Variants in CADPS2 observed in about 807,000 individuals in gnomAD.
The protein encoded by CADPS2 is calcium-dependent secretion activator 2.
A neutral mutation model predicts 172.5 loss-of-function variants in CADPS2; 93 were observed. The observed-to-expected ratio is 0.54, with a 90% CI of 0.46 to 0.64. CADPS2 has a LOEUF of 0.64. Ranked by LOEUF, CADPS2 falls within the 30% of genes least tolerant of loss-of-function variation. The probability of loss-of-function intolerance (pLI) is 0.00; values close to 1 mark genes in which losing one functional copy is unlikely to be tolerated. For missense variants in CADPS2, 1,420 were observed against 1,565.9 expected, an observed-to-expected ratio of 0.91 and a Z score of 1.57; for synonymous variants, 546 against 555.2, an observed-to-expected ratio of 0.98 and a Z score of 0.23.
chr7:122,883,831 T>A (rs552644522), intron 1 of CADPS2, among the ~76,000 whole-genome samples: 1 of 152,322 alleles, frequency 6.6e-6, no homozygotes, highest in East Asian at 1.9e-4. Flanking sequence ...TCCTAAGGAT[T>A]CTATTTTTTT....
At chr7:122,458,016 T>C (rs922452415) in intron 14 of CADPS2, among the ~76,000 whole-genome samples, 2 of 152,216 alleles carry the variant, frequency 1.3e-5, no homozygotes, top group Non-Finnish European at 2.9e-5. Flanking sequence ...TTGTAAAAGA[T>C]TATTTCACAA....
chr7:122,495,141 T>C (rs1295238968), intron 9 of CADPS2, among the ~76,000 whole-genome samples: 1 of 152,148 alleles, frequency 6.6e-6, no homozygotes, highest in Non-Finnish European at 1.5e-5. Context: ...TTATGAAATA[T>C]CTCCAACATA....
intron 2 of CADPS2, among the ~76,000 whole-genome samples, chr7:122,705,429 TA>T (rs1464094922): frequency 8.6e-5 from 12 of 139,624 alleles, no homozygotes; most frequent in African/African-American, 3.2e-4. Flanking sequence ...AGATAATATA[TA>T]ATATGTAATA....
chr7:122,390,242 T>C (rs10268511), intron 22 of CADPS2, among the ~76,000 whole-genome samples: 57,976 of 151,676 alleles, frequency 0.38, 11,698 homozygotes, highest in African/African-American at 0.53. Context: ...ATAAGAGAAC[T>C]AGACAACACC....
chr7:122,391,246 T>C (rs1049131712), intron 22 of CADPS2, among the ~76,000 whole-genome samples: 7 of 152,046 alleles, frequency 4.6e-5, no homozygotes, highest in African/African-American at 1.7e-4. Flanking sequence ...GTAAAACACA[T>C]TTTTAAATTT....
intron 7 of CADPS2, among the ~76,000 whole-genome samples, chr7:122,567,034 T>A (rs540738116): frequency 5.9e-5 from 9 of 152,144 alleles, no homozygotes; most frequent in Non-Finnish European, 1.2e-4. Context: ...CCACAGTTGC[T>A]TTATCTGGAA....
At chr7:122,423,571 G>C (rs1380409550) in intron 17 of CADPS2, among the ~76,000 whole-genome samples, 1 of 152,132 alleles carries the variant, frequency 6.6e-6, no homozygotes. Context: ...GCCAACTAAT[G>C]AAAGAAAATG....
At chr7:122,535,809 A>T (rs2062210072) in intron 8 of CADPS2, among the ~76,000 whole-genome samples, 1 of 152,072 alleles carries the variant, frequency 6.6e-6, no homozygotes, top group African/African-American at 2.4e-5. Flanking sequence ...GTCTCTTGGG[A>T]CCTTTTAAAA....
At chr7:122,622,468 G>GAT (rs1208028724) in intron 4 of CADPS2, among the ~76,000 whole-genome samples, 2 of 152,124 alleles carry the variant, frequency 1.3e-5, no homozygotes, top group Admixed American at 6.5e-5. Flanking sequence ...TCTGCAATCA[G>GAT]ATTTGTTTCT....
intron 2 of CADPS2, among the ~76,000 whole-genome samples, chr7:122,680,515 A>C (rs1405157396): frequency 6.6e-6 from 1 of 152,196 alleles, no homozygotes; most frequent in African/African-American, 2.4e-5. Flanking sequence ...GGAGTTCGAG[A>C]CCAGCCTGGC....
intron 8 of CADPS2, among the ~76,000 whole-genome samples, chr7:122,542,567 A>G (rs780646630): frequency 9.2e-5 from 14 of 152,160 alleles, no homozygotes; most frequent in South Asian, 4.1e-4. Context: ...TTTGTGTCCA[A>G]TGGACAAATA....
intron 6 of CADPS2, among the ~76,000 whole-genome samples, chr7:122,605,930 T>C (rs1248761864): frequency 6.6e-6 from 1 of 152,126 alleles, no homozygotes; most frequent in Non-Finnish European, 1.5e-5. Flanking sequence ...AATAAATAGA[T>C]GGGAGCATTA....
intron 6 of CADPS2, among the ~76,000 whole-genome samples, chr7:122,604,008 A>G (rs71574707): frequency 0.097 from 14,748 of 152,192 alleles, 833 homozygotes; most frequent in African/African-American, 0.15. Context: ...TGTAATAATC[A>G]TTATACAATA....
At chr7:122,681,780 T>A (rs2083078622) in intron 2 of CADPS2, 5 of 506,204 alleles carry the variant, frequency 9.9e-6, no homozygotes, top group Middle Eastern at 5.3e-4. Flanking sequence ...TAAAAAAAAA[T>A]AAATAAAAAT....
intron 8 of CADPS2, among the ~76,000 whole-genome samples, chr7:122,517,308 AC>A (rs1324956439): frequency 6.6e-6 from 1 of 152,072 alleles, no homozygotes; most frequent in Non-Finnish European, 1.5e-5. Context: ...TAGTTGGTGG[AC>A]ATTTAAGTTG....
At chr7:122,403,613 C>T (rs950426975) in intron 20 of CADPS2, among the ~76,000 whole-genome samples, 1 of 152,068 alleles carries the variant, frequency 6.6e-6, no homozygotes, top group South Asian at 2.1e-4. Context: ...TTGAAAATTA[C>T]ATTTTATAGT....
At chr7:122,605,887 C>T (rs188612392) in intron 6 of CADPS2, among the ~76,000 whole-genome samples, 3 of 151,892 alleles carry the variant, frequency 2.0e-5, no homozygotes, top group Admixed American at 2.0e-4. Context: ...AATTTTAATC[C>T]AGGATTTTTT....
At chr7:122,751,572 A>G (rs1292775495) in intron 1 of CADPS2, among the ~76,000 whole-genome samples, 1 of 152,318 alleles carries the variant, frequency 6.6e-6, no homozygotes, top group African/African-American at 2.4e-5. Flanking sequence ...CAGAATACTG[A>G]CATATCATAA....
At chr7:122,321,781 T>C (rs980200374) in intron 29 of CADPS2, among the ~76,000 whole-genome samples, 1 of 152,242 alleles carries the variant, frequency 6.6e-6, no homozygotes, top group South Asian at 2.1e-4. Flanking sequence ...CACTCAGCCA[T>C]GTTCACTTTT....
Sources: allele counts gnomAD v4.1 joint callset (sites outside exome capture counted in the v4.1 genomes callset), GRCh38; gene constraint gnomAD v4.1.1; transcripts MANE v1.5; gene names NCBI Gene and HGNC (gene_info 2026-07-23, HGNC 2026-07-21).